Variants in ASPM observed in about 807,000 individuals in gnomAD.
ASPM encodes abnormal spindle-like microcephaly-associated protein.
A neutral mutation model predicts 366.4 loss-of-function variants in ASPM; 256 were observed. The ratio of observed to expected loss-of-function variants is 0.70; its 90% CI spans 0.63 to 0.77. ASPM has a LOEUF of 0.77. Among genes scored for constraint, ASPM ranks in the 30% least tolerant of loss-of-function variants. The probability of loss-of-function intolerance (pLI) is 0.00; values close to 1 mark genes in which losing one functional copy is unlikely to be tolerated. For synonymous variants in ASPM, 1,414 were observed against 1,342.9 expected, an observed-to-expected ratio of 1.05 and a Z score of -1.16; for missense variants, 4,146 against 4,090.4, an observed-to-expected ratio of 1.01 and a Z score of -0.37.
Position 197,101,890 on chromosome 1 carries a change from A to T in ASPM, c.7361T>A (p.Phe2454Tyr), listed in dbSNP as rs1429672526. ...TICAKHKLYQ[F>Y]LHLRKAAITI... is the part of the protein sequence containing the mutation. ...AATGGCTGCCTTTCTTAAGTGCAAGAATTGGTACAATTTATGTTTGGCACA... is the reference window on the plus strand; with the variant it reads ...AATGGCTGCCTTTCTTAAGTGCAAGTATTGGTACAATTTATGTTTGGCACA... Residue 2454 changes from phenylalanine (F) to tyrosine (Y), a missense_variant, in exon 18 of 28, where the codon TTC becomes TAC. Physicochemically the swap from Phe to Tyr is conservative, Grantham distance 22. This residue lies in a region of ASPM where 3,624 missense variants were observed against 3,591.7 expected (regional missense o/e 1.01). Transcript: ENST00000367409. The T allele has an allele frequency of 1.2e-6, 2 of 1,612,872 alleles. No homozygotes were observed.
At chr1:197,140,031 G>A (rs1269364695) in intron 3 of ASPM, among the ~76,000 whole-genome samples, 160 bp from the exon 4 acceptor site, 4 of 152,138 alleles carry the variant, frequency 2.6e-5, no homozygotes, top group Non-Finnish European at 4.4e-5. Context: ...GAATTCAGTG[G>A]TTTATCAAAC....
intron 19 of ASPM, among the ~76,000 whole-genome samples, chr1:197,094,857 C>A (rs770715986): frequency 1.3e-5 from 2 of 151,698 alleles, no homozygotes; most frequent in Non-Finnish European, 2.9e-5. Context: ...TAGGACCAAA[C>A]ACCATTGAGA....
In ASPM at chr1:197,086,876, TGTAAA is replaced by T. The variant is rs1156414998; in HGVS notation, c.10253_10257del (p.Leu3418GlnfsTer27). On this transcript the variant is annotated frameshift_variant, in exon 27 of 28. Coordinates refer to ENST00000367409, the MANE Select transcript of ASPM (RefSeq NM_018136.5). LOFTEE classifies it high-confidence loss of function. ...CTTATAGAAGAATTCTTCTTTTGCT[TGTAAA>T]GTATTCTTTCAGTATTCATTTTATG... 6.2e-7 allele frequency: 1 copy of T among 1,611,436 alleles called. No individual in the cohort carries two copies. The highest frequency in any genetic ancestry group is 1.3e-5 in the African/African-American group (1 of 74,856).
chr1:197,102,082 A>G lies in ASPM; in HGVS notation c.7169T>C (p.Ile2390Thr). 1 of 1,613,018 alleles carries G rather than the reference A, an allele frequency of 6.2e-7. No individual in the cohort carries two copies. The change falls in exon 18 of 28, where the codon ATC becomes ACC. Residue 2390 changes from isoleucine to threonine, a missense_variant. Coordinates refer to ENST00000367409, the MANE Select transcript of ASPM (RefSeq NM_018136.5). ...CATACCCCTGAATGCAGCCTGAAGGATCACAGCAGAGTGTCTTTGTCTGAG... is the reference window on the plus strand; with the variant it reads ...CATACCCCTGAATGCAGCCTGAAGGGTCACAGCAGAGTGTCTTTGTCTGAG... ...HYLRQRHSAVILQAAFRGMKT... is the reference protein window; with the variant it reads ...HYLRQRHSAVTLQAAFRGMKT...
At chr1:197,135,327 T>A (rs1571624710) in intron 4 of ASPM, 85 bp from the exon 5 acceptor site, 2 of 1,278,442 alleles carry the variant, frequency 1.6e-6, no homozygotes, top group South Asian at 1.2e-5. Flanking sequence ...TTACTAGCAA[T>A]ACCATCTTTA....
chr1:197,135,325 A>G, intron 4 of ASPM, 83 bp from the exon 5 acceptor site: 1 of 1,300,020 alleles, frequency 7.7e-7, no homozygotes. Context: ...TTTTACTAGC[A>G]ATACCATCTT....
intron 1 of ASPM, among the ~76,000 whole-genome samples, chr1:197,145,872 T>C (rs1419814966): frequency 2.7e-5 from 4 of 148,142 alleles, no homozygotes; most frequent in Non-Finnish European, 5.9e-5. Flanking sequence ...ATATATAATA[T>C]TGACACATAT....
chr1:197,132,155 A>G, intron 7 of ASPM, 130 bp downstream of exon 7: 1 of 684,520 alleles, frequency 1.5e-6, no homozygotes, highest in Non-Finnish European at 2.4e-6. Flanking sequence ...TTTATACTAA[A>G]AGATGAATCA....
intron 17 of ASPM, among the ~76,000 whole-genome samples, chr1:197,112,104 A>T (rs1383027997): frequency 6.6e-6 from 1 of 152,230 alleles, no homozygotes; most frequent in Non-Finnish European, 1.5e-5. Flanking sequence ...ACATGGAATC[A>T]ACCTAAATGT....
intron 17 of ASPM, among the ~76,000 whole-genome samples, chr1:197,105,942 G>C (rs79396025): frequency 0.018 from 2,775 of 152,062 alleles, 84 homozygotes; most frequent in African/African-American, 0.063. Flanking sequence ...TCAAGTTCTA[G>C]ATGTTTTAGC....
intron 7 of ASPM, among the ~76,000 whole-genome samples, chr1:197,130,456 GA>G (rs943456724): frequency 2.6e-5 from 4 of 152,068 alleles, no homozygotes; most frequent in African/African-American, 7.2e-5. Flanking sequence ...TATCAATGTA[GA>G]AAACATCTGC....
Position 197,138,762 on chromosome 1 carries a change from G to T in ASPM, c.2026+1005C>A, listed in dbSNP as rs111898030. 2.9e-3 allele frequency: 2,092 copies of T among 725,904 alleles called. 19 individuals carry two copies. Among genetic ancestry groups the T allele is most frequent in the African/African-American group, 0.027 (1,560 of 57,204 alleles). 45.0% of individuals were successfully genotyped at this position (725,904 alleles called of 1,614,324 possible). ...AAGAGAAACGATTATTTCTTACGAT[G>T]TTTGTCTTTCTTTGTATTGGTGCTC... On this transcript the variant is annotated intron_variant, in intron 4 of 27. Coordinates refer to ENST00000367409, the MANE Select transcript of ASPM (RefSeq NM_018136.5).
In ASPM at chr1:197,100,487, C is replaced by T. The variant is rs1438789276; in HGVS notation, c.8764G>A (p.Gly2922Arg). The change falls in exon 18 of 28, where the codon GGA (glycine) becomes AGA (arginine). Residue 2922 changes from glycine to arginine, a missense_variant. Physicochemically the swap from Gly to Arg is moderately radical, Grantham distance 125 (BLOSUM62 -2). Transcript: ENST00000367409. Reference sequence around the variant, plus strand: ...TGAAACTTCCGTTTCTGTATAAATCCTTTACTTCTAGCTTGAATAATGATA... The same window carrying T: ...TGAAACTTCCGTTTCTGTATAAATCTTTTACTTCTAGCTTGAATAATGATA... The part of the protein sequence containing the change: ...SVIIIQARSK[G>R]FIQKRKFQEI... The T allele has an allele frequency of 6.9e-6, 11 of 1,601,264 alleles. No homozygotes were observed. In the East Asian group the frequency reaches 2.0e-4, roughly 29 times the overall value.
chr1:197,107,232 G>C (rs535635144), intron 17 of ASPM, among the ~76,000 whole-genome samples: 10 of 152,178 alleles, frequency 6.6e-5, no homozygotes, highest in African/African-American at 2.4e-4. Flanking sequence ...CTAGACCACA[G>C]TAGGCTATAG....
intron 17 of ASPM, among the ~76,000 whole-genome samples, chr1:197,106,464 G>A (rs1657412380): frequency 6.6e-6 from 1 of 151,946 alleles, no homozygotes; most frequent in African/African-American, 2.4e-5. Flanking sequence ...TTTCTTTTGA[G>A]CACCCACCCC....
At chr1:197,094,454 C>T (rs1656900965) in intron 19 of ASPM, among the ~76,000 whole-genome samples, 1 of 151,268 alleles carries the variant, frequency 6.6e-6, no homozygotes. Context: ...TGAACAGGAT[C>T]AAAATAAAGT....
chr1:197,128,717 A>G (rs768057909), intron 9 of ASPM, 52 bp from the exon 10 acceptor site: 6 of 1,428,646 alleles, frequency 4.2e-6, no homozygotes, highest in Non-Finnish European at 1.9e-6. Flanking sequence ...AATTTTGCTT[A>G]TAATAAAAAC....
intron 21 of ASPM, among the ~76,000 whole-genome samples, 197 bp downstream of exon 21, chr1:197,092,855 T>C (rs1656827073): frequency 1.3e-5 from 2 of 151,986 alleles, no homozygotes; most frequent in South Asian, 2.1e-4. Context: ...CTGTGAGAAA[T>C]AGTAGGACTA....
chr1:197,146,213 T>C lies in ASPM; in HGVS notation c.225A>G (p.Ala75=), dbSNP rs765192812. 1.2e-6 allele frequency: 2 copies of C among 1,614,134 alleles called. No individual in the cohort carries two copies. The highest frequency in any genetic ancestry group is 1.7e-5 in the Admixed American group (1 of 60,022). The change falls in exon 1 of 28, where the codon GCA becomes GCG. Residue 75 remains alanine, a synonymous_variant. Transcript: ENST00000367409. Reference sequence around the variant, plus strand: ...CCGGGAAGTGGGAGATCTTCACTTCTGCCACCTCCTCGTTAGGGTTGTCTA... The same window carrying C: ...CCGGGAAGTGGGAGATCTTCACTTCCGCCACCTCCTCGTTAGGGTTGTCTA... ...LALDNPNEEV[A]EVKISHFPAA... is the part of the protein sequence containing the mutation.
Sources: allele counts gnomAD v4.1 joint callset (sites outside exome capture counted in the v4.1 genomes callset), GRCh38; gene constraint gnomAD v4.1.1; regional missense constraint gnomAD v4.1.1; transcripts MANE v1.5; gene names NCBI Gene and HGNC (gene_info 2026-07-23, HGNC 2026-07-21).